The following KHDRBS2 variants were observed in gnomAD, a reference collection of about 807,000 sequenced individuals.
KHDRBS2 encodes the protein KH RNA binding domain containing, signal transduction associated 2.
KHDRBS2 carries 26 observed loss-of-function variants against 44.3 expected under a neutral mutation model. That is an observed-to-expected ratio of 0.59 (90% CI 0.43 to 0.81). The LOEUF (loss-of-function observed/expected upper bound fraction) is 0.81. Ranked by LOEUF, KHDRBS2 falls within the 40% of genes least tolerant of loss-of-function variation. The probability of loss-of-function intolerance (pLI) is 0.00; values close to 1 mark genes in which losing one functional copy is unlikely to be tolerated. For synonymous variants in KHDRBS2, 194 were observed against 151.1 expected, an observed-to-expected ratio of 1.28 and a Z score of -2.08; for missense variants, 476 against 433.1, an observed-to-expected ratio of 1.10 and a Z score of -0.88.
intron 2 of KHDRBS2, among the ~76,000 whole-genome samples, chr6:62,089,682 C>T (rs1448838743): frequency 1.3e-5 from 2 of 152,122 alleles, no homozygotes; most frequent in Non-Finnish European, 1.5e-5. Context: ...TGCTATCTTG[C>T]CCAGGAATCC....
At chr6:61,835,490 C>T (rs1792501250) in intron 6 of KHDRBS2, among the ~76,000 whole-genome samples, 1 of 151,956 alleles carries the variant, frequency 6.6e-6, no homozygotes, top group South Asian at 2.1e-4. Flanking sequence ...CACAGTGCCA[C>T]TGCCAAGATC....
At chr6:61,692,600 G>A (rs1401726394) in intron 8 of KHDRBS2, among the ~76,000 whole-genome samples, 1 of 151,976 alleles carries the variant, frequency 6.6e-6, no homozygotes, top group Non-Finnish European at 1.5e-5. Flanking sequence ...GCCCCAAGGA[G>A]ACAAATACAA....
chr6:61,670,871 G>A, the KHDRBS2 span, among the ~76,000 whole-genome samples: 6 of 151,528 alleles, frequency 4.0e-5, no homozygotes, highest in African/African-American at 9.7e-5. Context: ...CAATGGACAC[G>A]TATTGGTTTC....
intron 2 of KHDRBS2, among the ~76,000 whole-genome samples, chr6:62,117,348 G>C (rs1482046202): frequency 2.0e-5 from 3 of 152,068 alleles, no homozygotes; most frequent in African/African-American, 7.2e-5. Flanking sequence ...TTTCCCTTAT[G>C]ATTAATGATG....
At chr6:61,995,545 T>C (rs974889167) in intron 3 of KHDRBS2, among the ~76,000 whole-genome samples, 20 of 152,232 alleles carry the variant, frequency 1.3e-4, no homozygotes, top group African/African-American at 4.8e-4. Context: ...TATAACACTG[T>C]TTTTGTCCAA....
chr6:61,606,149 C>T, the KHDRBS2 span, among the ~76,000 whole-genome samples: 1 of 152,174 alleles, frequency 6.6e-6, no homozygotes, highest in Admixed American at 6.5e-5. Flanking sequence ...TATAAAAAGG[C>T]CCCACCCCTA....
At chr6:62,278,716 G>A (rs1425747001) in intron 1 of KHDRBS2, among the ~76,000 whole-genome samples, 2 of 152,162 alleles carry the variant, frequency 1.3e-5, no homozygotes, top group Non-Finnish European at 2.9e-5. Context: ...ATTCGGGAAT[G>A]ACATTTCAAT....
At chr6:62,136,426 T>C (rs2150094276) in intron 2 of KHDRBS2, among the ~76,000 whole-genome samples, 1 of 152,346 alleles carries the variant, frequency 6.6e-6, no homozygotes, top group Non-Finnish European at 1.5e-5. Flanking sequence ...GATACGCTCC[T>C]TTAAATATGA....
chr6:62,004,938 A>G (rs962766080), intron 3 of KHDRBS2, among the ~76,000 whole-genome samples: 3 of 152,172 alleles, frequency 2.0e-5, no homozygotes, highest in Admixed American at 1.3e-4. Context: ...ACAGATGCAG[A>G]AAAGGCCTTC....
chr6:62,198,595 T>C (rs1031217456), intron 1 of KHDRBS2, among the ~76,000 whole-genome samples: 1 of 152,218 alleles, frequency 6.6e-6, no homozygotes, highest in African/African-American at 2.4e-5. Flanking sequence ...CAATAATTAA[T>C]ACCTTACCAA....
intron 2 of KHDRBS2, among the ~76,000 whole-genome samples, chr6:62,123,036 G>T (rs1808066832): frequency 6.6e-6 from 1 of 152,058 alleles, no homozygotes. Flanking sequence ...TTCTCCTAAT[G>T]CTATTCCTCC....
At chr6:62,276,974 T>C (rs1207181203) in intron 1 of KHDRBS2, among the ~76,000 whole-genome samples, 1 of 152,180 alleles carries the variant, frequency 6.6e-6, no homozygotes, top group Admixed American at 6.5e-5. Context: ...TGCTAATAAC[T>C]ACACAATAAG....
At chr6:61,682,302 T>A (rs1328999594) in intron 8 of KHDRBS2, among the ~76,000 whole-genome samples, 2 of 151,914 alleles carry the variant, frequency 1.3e-5, no homozygotes, top group Non-Finnish European at 2.9e-5. Context: ...ATATTAGTTT[T>A]TTGAGAATAT....
At chr6:61,773,326 C>T (rs373507952) in intron 6 of KHDRBS2, among the ~76,000 whole-genome samples, 29 of 152,078 alleles carry the variant, frequency 1.9e-4, no homozygotes, top group South Asian at 1.7e-3. Flanking sequence ...TTTTAATGAT[C>T]GCCATTCTAA....
At chr6:61,621,558 T>A in the KHDRBS2 span, among the ~76,000 whole-genome samples, 1 of 152,108 alleles carries the variant, frequency 6.6e-6, no homozygotes, top group Non-Finnish European at 1.5e-5. Context: ...CCAAATGAGG[T>A]CTGTTCCAAT....
chr6:62,110,062 C>T (rs1436078748), intron 2 of KHDRBS2, among the ~76,000 whole-genome samples: 1 of 151,756 alleles, frequency 6.6e-6, no homozygotes, highest in Non-Finnish European at 1.5e-5. Context: ...AAAATTTCTG[C>T]TCAAGTGGAT....
intron 5 of KHDRBS2, 80 bp downstream of exon 5, chr6:61,901,164 C>T: frequency 7.4e-7 from 1 of 1,344,576 alleles, no homozygotes; most frequent in Non-Finnish European, 1.0e-6. Context: ...TTGTTTACTG[C>T]TAGTGATAAT....
At chr6:62,099,126 C>T (rs963820243) in intron 2 of KHDRBS2, among the ~76,000 whole-genome samples, 27 of 152,126 alleles carry the variant, frequency 1.8e-4, no homozygotes, top group Non-Finnish European at 2.2e-4. Flanking sequence ...ATCTTCATTA[C>T]TTTAGGGTCA....
At position 61,893,662 on chromosome 6, in the gene KHDRBS2, C is replaced by A. The variant is rs187803454; in HGVS notation, c.810+973G>T. 9.0e-3 allele frequency among the ~76,000 whole-genome samples: 1,366 copies of A among 152,190 alleles called. 17 individuals carry two copies. Among genetic ancestry groups the A allele is most frequent in the African/African-American group, 0.032 (1,311 of 41,504 alleles). On this transcript the variant is annotated intron_variant, in intron 6 of 8. Transcript: ENST00000281156. ...ACTATCGCAAAGACAAAAAACCAAA[C>A]ACCGCATGTTCTCACTCATAGGTGG...
Sources: gnomAD v4.1 joint callset for allele counts (sites outside exome capture counted in the v4.1 genomes callset) on GRCh38, gnomAD v4.1.1 for gene constraint, MANE v1.5 for transcripts, NCBI Gene and HGNC (gene_info 2026-07-23, HGNC 2026-07-21) for gene names.